The following UGT2B7 variants were observed in gnomAD, a reference collection of about 807,000 sequenced individuals.
The protein encoded by UGT2B7 is UDP glucuronosyltransferase family 2 member B7, also known as UDP-glucuronosyltransferase 2B7.
In UGT2B7, 51 loss-of-function variants were observed where a neutral mutation model predicts 51.9. That is an observed-to-expected ratio of 0.98 (90% CI 0.78 to 1.24). The LOEUF (loss-of-function observed/expected upper bound fraction) is 1.24. UGT2B7 is among the 50% of genes most tolerant of loss of function. The pLI, the probability that UGT2B7 is intolerant of heterozygous loss-of-function variation, is 0.00. For missense variants in UGT2B7, 727 were observed against 628.4 expected (o/e 1.16, Z -1.68); for synonymous variants, 225 against 211.6 (o/e 1.06, Z -0.55).
chr4:69,109,074 G>A (rs1290486863), intron 5 of UGT2B7, among the ~76,000 whole-genome samples: 1 of 151,042 alleles, frequency 6.6e-6, no homozygotes, highest in East Asian at 1.9e-4. Flanking sequence ...CATTCATGTT[G>A]TTGTGTGTTT....
chr4:69,081,746 T>C (rs1318555437), intron 1 of UGT2B7, among the ~76,000 whole-genome samples: 1 of 152,138 alleles, frequency 6.6e-6, no homozygotes, highest in Non-Finnish European at 1.5e-5. Flanking sequence ...GATTGCTCCA[T>C]AGATGGATAA....
At chr4:69,095,781 G>T (rs1038042390), upstream of UGT2B7, among the ~76,000 whole-genome samples, 1 of 152,152 alleles carries the variant, frequency 6.6e-6, no homozygotes, top group Non-Finnish European at 1.5e-5. Context: ...GAATCAACAT[G>T]TATACGCTAT....
Position 69,052,569 on chromosome 4 carries a change from CAAAAAAAAAAAAAAA to C in UGT2B7, c.-159+976_-159+990del, listed in dbSNP as rs1204317464. On this transcript the variant is annotated intron_variant, in intron 1 of 5. Transcript: ENST00000502942. ...TTAAAAAAAAAGAAATGGTTATCTTCAAAAAAAAAAAAAAAAAAAAAAAGAAGGGGAGGCAAAATT... is the reference window on the plus strand; with the variant it reads ...TTAAAAAAAAAGAAATGGTTATCTTCAAAAAAAAGAAGGGGAGGCAAAATT... Among the ~76,000 whole-genome samples, 7 of 64,712 alleles carry C rather than the reference CAAAAAAAAAAAAAAA, an allele frequency of 1.1e-4. No homozygotes were observed. The East Asian group carries it at 2.6e-3, about 24-fold the overall frequency. 42.5% of individuals were successfully genotyped at this position (64,712 alleles called of 152,430 possible). A position where few individuals can be genotyped will look rare whatever the true frequency, so the allele number is the denominator to read the frequency against.
chr4:69,055,646 A>G (rs1718173664), intron 1 of UGT2B7, among the ~76,000 whole-genome samples: 2 of 152,178 alleles, frequency 1.3e-5, no homozygotes, highest in Non-Finnish European at 2.9e-5. Flanking sequence ...CCCAGTCTCT[A>G]CAAGTCACTT....
rs1375423566 is a variant in UGT2B7 at position 69,096,712 on chromosome 4, T to G, written c.192T>G (p.Phe64Leu). The change falls in exon 1 of 6, where the codon TTT (phenylalanine) becomes TTG (leucine). Residue 64 changes from phenylalanine (F) to leucine (L), a missense_variant. Phe to Leu is a conservative substitution (Grantham distance 22). Transcript: ENST00000305231. The stretch of plus-strand genomic sequence containing the variant: ...TGGCATCTTCAGCTTCCATTCTTTT[T>G]GATCCCAACAACTCATCCGCTCTTA... Reference protein sequence around the residue: ...TVLASSASILFDPNNSSALKI... With the variant: ...TVLASSASILLDPNNSSALKI... The G allele has an allele frequency of 6.2e-7, 1 of 1,614,074 alleles. No homozygotes were observed. The highest frequency in any genetic ancestry group is 2.2e-5 in the East Asian group (1 of 44,874).
chr4:69,100,876 A>T (rs55834557), intron 2 of UGT2B7, among the ~76,000 whole-genome samples: 87,677 of 151,952 alleles, frequency 0.58, 26,304 homozygotes, highest in African/African-American at 0.71. Context: ...TATAAGAGAA[A>T]AAGACACTTG....
At chr4:69,091,885 C>T (rs1172735726), upstream of UGT2B7, among the ~76,000 whole-genome samples, 1 of 152,166 alleles carries the variant, frequency 6.6e-6, no homozygotes, top group Non-Finnish European at 1.5e-5. Flanking sequence ...CCATGTGGCA[C>T]ATGACAAAGA....
intron 1 of UGT2B7, among the ~76,000 whole-genome samples, chr4:69,077,825 A>T (rs914429427): frequency 6.6e-6 from 1 of 152,196 alleles, no homozygotes; most frequent in African/African-American, 2.4e-5. Flanking sequence ...GTTGAATAGA[A>T]GTGGTGAGAG....
In UGT2B7 at chr4:69,102,936, A is replaced by G. The variant is rs1327715763; in HGVS notation, c.1000A>G (p.Lys334Glu). 24 of 1,612,380 alleles carry G rather than the reference A, an allele frequency of 1.5e-5. No individual in the cohort carries two copies. The highest frequency in any genetic ancestry group is 2.0e-5 in the Non-Finnish European group (24 of 1,179,212). The change falls in exon 3 of 6, where the codon AAG becomes GAG. Residue 334 changes from lysine to glutamate, a missense_variant and splice_region_variant. Physicochemically the swap from Lys to Glu is moderately conservative, Grantham distance 56. Transcript: ENST00000305231. ...ATCAGCCCTGGCCCAGATCCCACAA[A>G]AGGTAAGATGAAGTGCCTTACTGGT... Reference protein sequence around the residue: ...IASALAQIPQKVLWRFDGNKP... With the variant: ...IASALAQIPQEVLWRFDGNKP...
chr4:69,082,052 CTG>C (rs1396957953), intron 1 of UGT2B7, among the ~76,000 whole-genome samples: 1 of 151,988 alleles, frequency 6.6e-6, no homozygotes. Context: ...TCCTGGTGAT[CTG>C]TGATTGGTGA....
At chr4:69,073,049 C>G (rs1004178197) in intron 1 of UGT2B7, among the ~76,000 whole-genome samples, 1 of 152,112 alleles carries the variant, frequency 6.6e-6, no homozygotes. Context: ...CTGGTGGTCA[C>G]TTCCCTAATG....
intron 1 of UGT2B7, among the ~76,000 whole-genome samples, chr4:69,059,279 G>T (rs1004984163): frequency 2.6e-5 from 4 of 152,310 alleles, no homozygotes; most frequent in African/African-American, 9.6e-5. Flanking sequence ...AGCCACTGGA[G>T]TCTCTGAAAA....
At chr4:69,063,984 C>A (rs748789044) in intron 1 of UGT2B7, among the ~76,000 whole-genome samples, 1 of 140,240 alleles carries the variant, frequency 7.1e-6, no homozygotes, top group Non-Finnish European at 1.5e-5. Flanking sequence ...TATTGAATTC[C>A]ATTTACAGGA....
chr4:69,076,939 C>T (rs1718720295), intron 1 of UGT2B7, among the ~76,000 whole-genome samples: 1 of 152,040 alleles, frequency 6.6e-6, no homozygotes, highest in African/African-American at 2.4e-5. Context: ...GTCTTTAGTC[C>T]ATCTTGAGTT....
chr4:69,089,290 G>C (rs141083591), intron 1 of UGT2B7, among the ~76,000 whole-genome samples: 1 of 152,110 alleles, frequency 6.6e-6, no homozygotes, highest in South Asian at 2.1e-4. Context: ...TAATTACTAT[G>C]TATTGAAGCT....
intron 5 of UGT2B7, among the ~76,000 whole-genome samples, chr4:69,110,388 C>G (rs918339352): frequency 6.6e-6 from 1 of 152,036 alleles, no homozygotes; most frequent in Non-Finnish European, 1.5e-5. Context: ...TGAATCACAA[C>G]TATGTCTCCA....
intron 3 of UGT2B7, among the ~76,000 whole-genome samples, chr4:69,103,614 T>G (rs1391091660): frequency 1.3e-5 from 2 of 152,222 alleles, no homozygotes; most frequent in Admixed American, 6.5e-5. Context: ...TATCCAGAAC[T>G]GTGTCCTTTT....
upstream of UGT2B7, among the ~76,000 whole-genome samples, chr4:69,093,008 A>G (rs1024474431): frequency 2.2e-4 from 34 of 151,868 alleles, no homozygotes; most frequent in African/African-American, 8.2e-4. Flanking sequence ...GATTTGGAAG[A>G]CATATGGTTT....
intron 1 of UGT2B7, among the ~76,000 whole-genome samples, chr4:69,057,900 T>TAGA (rs1560497565): frequency 6.6e-6 from 1 of 152,170 alleles, no homozygotes; most frequent in African/African-American, 2.4e-5. Context: ...AATGTACTTA[T>TAGA]AGATAGGGAC....
Sources: allele counts gnomAD v4.1 joint callset (sites outside exome capture counted in the v4.1 genomes callset), GRCh38; gene constraint gnomAD v4.1.1; transcripts MANE v1.5; gene names NCBI Gene and HGNC (gene_info 2026-07-23, HGNC 2026-07-21).